Variants in EEF2K observed in about 807,000 individuals in gnomAD.
EEF2K encodes the protein eukaryotic elongation factor 2 kinase.
In EEF2K, 70 loss-of-function variants were observed where a neutral mutation model predicts 93.8. The ratio of observed to expected loss-of-function variants is 0.75; its 90% CI spans 0.62 to 0.91. The LOEUF (loss-of-function observed/expected upper bound fraction) is 0.91. EEF2K is among the 40% of genes least tolerant of loss of function. The pLI is 0.00. For synonymous variants in EEF2K, 376 were observed against 380.8 expected, an observed-to-expected ratio of 0.99 and a Z score of 0.15; for missense variants, 935 against 972.9, an observed-to-expected ratio of 0.96 and a Z score of 0.52.
chr16:22,273,805 G>T (rs1031611330), intron 16 of EEF2K, 55 bp downstream of exon 16: 12 of 1,597,640 alleles, frequency 7.5e-6, no homozygotes, highest in Non-Finnish European at 1.0e-5. Flanking sequence ...GCAGGTGGGC[G>T]CTTGTCCTCG....
intron 1 of EEF2K, among the ~76,000 whole-genome samples, chr16:22,223,464 A>T (rs1445394308): frequency 6.6e-6 from 1 of 151,984 alleles, no homozygotes; most frequent in African/African-American, 2.4e-5. Context: ...TTTTTAGTAG[A>T]GACAGGGTTT....
At position 22,286,032 on chromosome 16, in the gene EEF2K, T is replaced by G. The variant is rs2047750167; in HGVS notation, c.*2036T>G. 6.6e-6 allele frequency: 1 copy of G among 152,136 alleles called. No individual in the cohort carries two copies. The highest frequency in any genetic ancestry group is 2.4e-5 in the African/African-American group (1 of 41,436). 9.4% of individuals were successfully genotyped at this position (152,136 alleles called of 1,614,324 possible). A position where few individuals can be genotyped will look rare whatever the true frequency, so the allele number is the denominator to read the frequency against. On this transcript the variant is annotated 3_prime_UTR_variant, in exon 18 of 18. Transcript: ENST00000263026. Reference sequence around the variant, plus strand: ...TGACTGCTTTGGAGGCACAAACCCATGCAAGCGTTAGTTCCAAAGTTCAGT... The same window carrying G: ...TGACTGCTTTGGAGGCACAAACCCAGGCAAGCGTTAGTTCCAAAGTTCAGT...
chr16:22,271,189 C>T (rs533788363), intron 15 of EEF2K, among the ~76,000 whole-genome samples: 276 of 151,786 alleles, frequency 1.8e-3, no homozygotes, highest in Non-Finnish European at 2.7e-3. Flanking sequence ...AGGCTGGTCT[C>T]GAACTACTGA....
intron 1 of EEF2K, among the ~76,000 whole-genome samples, chr16:22,208,497 T>C (rs2046885377): frequency 6.6e-6 from 1 of 152,236 alleles, no homozygotes; most frequent in Admixed American, 6.5e-5. Flanking sequence ...ACCACTGCAC[T>C]CTAGACTGGG....
chr16:22,269,176 G>A (rs925398824), intron 15 of EEF2K, among the ~76,000 whole-genome samples: 2 of 152,034 alleles, frequency 1.3e-5, no homozygotes, highest in Non-Finnish European at 2.9e-5. Context: ...AGAAATCAAG[G>A]TGTCAGTAGA....
intron 1 of EEF2K, among the ~76,000 whole-genome samples, chr16:22,220,890 G>A (rs1567261067): frequency 6.6e-6 from 1 of 152,226 alleles, no homozygotes; most frequent in African/African-American, 2.4e-5. Context: ...GCACCACGCC[G>A]TGTTGGTCAG....
intron 15 of EEF2K, among the ~76,000 whole-genome samples, chr16:22,268,210 G>A (rs552161914): frequency 1.4e-4 from 21 of 152,024 alleles, no homozygotes; most frequent in South Asian, 1.2e-3. Flanking sequence ...ACAGAGTCTC[G>A]CTTTGTTGCC....
At position 22,230,918 on chromosome 16, in the gene EEF2K, C is replaced by T. The variant is rs556477616; in HGVS notation, c.246+4943C>T. On this transcript the variant is annotated intron_variant, in intron 2 of 17. Coordinates refer to ENST00000263026, the MANE Select transcript of EEF2K (RefSeq NM_013302.5). ...GGGGGATTACAGGAGTGAGCCACCA[C>T]GCCTGGCCATGATTTCACTCTAAAA... Among the ~76,000 whole-genome samples, 8 of 152,214 alleles carry T rather than the reference C, an allele frequency of 5.3e-5. No individual in the cohort carries two copies. The East Asian group carries it at 7.7e-4, about 15-fold the overall frequency.
At chr16:22,282,758 T>C (rs781717341) in intron 17 of EEF2K, among the ~76,000 whole-genome samples, 46 of 152,196 alleles carry the variant, frequency 3.0e-4, no homozygotes, top group Non-Finnish European at 5.6e-4. Context: ...TTTCTTTTCA[T>C]TATAAATTAT....
At chr16:22,238,595 A>T (rs541187809) in intron 2 of EEF2K, among the ~76,000 whole-genome samples, 1 of 149,444 alleles carries the variant, frequency 6.7e-6, no homozygotes, top group South Asian at 2.1e-4. Flanking sequence ...TCAGTGAGCT[A>T]TGATCCCACC....
chr16:22,210,332 C>T (rs780656733), intron 1 of EEF2K, among the ~76,000 whole-genome samples: 5 of 152,166 alleles, frequency 3.3e-5, no homozygotes, highest in Admixed American at 6.5e-5. Flanking sequence ...GGCTAAACTG[C>T]GGAAAATTGC....
chr16:22,217,160 CAAA>C (rs59262131), intron 1 of EEF2K, among the ~76,000 whole-genome samples: 6 of 76,500 alleles, frequency 7.8e-5, no homozygotes, highest in African/African-American at 2.7e-4. Flanking sequence ...GACCCTGTCT[CAAA>C]AAAAAAAAAA....
At chr16:22,242,416 G>A (rs2047231878) in intron 2 of EEF2K, among the ~76,000 whole-genome samples, 1 of 151,608 alleles carries the variant, frequency 6.6e-6, no homozygotes, top group Non-Finnish European at 1.5e-5. Context: ...CCACCTCCTG[G>A]TTCAAGCGAT....
At chr16:22,265,842 G>T (rs1265234933) in intron 13 of EEF2K, among the ~76,000 whole-genome samples, 1 of 152,192 alleles carries the variant, frequency 6.6e-6, no homozygotes, top group East Asian at 1.9e-4. Flanking sequence ...TGTCGTTGTG[G>T]TGCCTTGCAG....
In EEF2K at chr16:22,266,481, C is replaced by T; in HGVS notation, c.1532C>T (p.Ala511Val). 6.2e-7 allele frequency: 1 copy of T among 1,614,224 alleles called. No individual in the cohort carries two copies. The highest frequency in any genetic ancestry group is 1.3e-5 in the African/African-American group (1 of 75,048). Residue 511 changes from alanine (A) to valine (V), a missense_variant, in exon 14 of 18, where the codon GCT (alanine) becomes GTT (valine). Physicochemically the swap from Ala to Val is moderately conservative, Grantham distance 64. Coordinates refer to ENST00000263026, the MANE Select transcript of EEF2K (RefSeq NM_013302.5). ...AVALEVQRLN[A>V]LDLEKKIGKS... ...GCCCTGGAAGTGCAAAGGCTTAATGCTCTGGACCTCGAAAAGAAAATCGGG... is the reference window on the plus strand; with the variant it reads ...GCCCTGGAAGTGCAAAGGCTTAATGTTCTGGACCTCGAAAAGAAAATCGGG...
intron 5 of EEF2K, 131 bp downstream of exon 5, chr16:22,250,822 G>C: frequency 8.4e-7 from 1 of 1,189,594 alleles, no homozygotes; most frequent in South Asian, 1.4e-5. Flanking sequence ...CCAGGTTCCT[G>C]TCCATCTAGT....
At chr16:22,265,477 C>G (rs937781015) in intron 13 of EEF2K, among the ~76,000 whole-genome samples, 12 of 152,238 alleles carry the variant, frequency 7.9e-5, no homozygotes, top group Admixed American at 4.6e-4. Context: ...GCTCTCCAAG[C>G]CTGGATCCCA....
At chr16:22,228,006 C>CTTTTT (rs1051682997) in intron 2 of EEF2K, among the ~76,000 whole-genome samples, 124 of 80,050 alleles carry the variant, frequency 1.5e-3, no homozygotes, top group Middle Eastern at 0.013. Context: ...AAACCAAATT[C>CTTTTT]TTTTTTTTTT....
chr16:22,234,294 TC>T (rs951445743), intron 2 of EEF2K, among the ~76,000 whole-genome samples: 5 of 152,124 alleles, frequency 3.3e-5, no homozygotes, highest in African/African-American at 1.2e-4. Flanking sequence ...AACAGCATGA[TC>T]AAAGAATAAT....
Sources: gnomAD v4.1 joint callset for allele counts (sites outside exome capture counted in the v4.1 genomes callset) on GRCh38, gnomAD v4.1.1 for gene constraint, MANE v1.5 for transcripts, NCBI Gene and HGNC (gene_info 2026-07-23, HGNC 2026-07-21) for gene names.